NOX5: variants seen among roughly 807,000 people sequenced by gnomAD.
NOX5 encodes NADPH oxidase, EF-hand calcium binding domain 5.
In NOX5, 76 loss-of-function variants were observed where a neutral mutation model predicts 85.7. The ratio of observed to expected loss-of-function variants is 0.89; its 90% CI spans 0.74 to 1.07. The LOEUF (loss-of-function observed/expected upper bound fraction) is 1.07, where lower values mean the gene tolerates loss of function less well. NOX5 is among the 50% of genes least tolerant of loss of function. The pLI is 0.00. For synonymous variants in NOX5, 405 were observed against 401.4 expected, an observed-to-expected ratio of 1.01 and a Z score of -0.11; for missense variants, 973 against 999.5, an observed-to-expected ratio of 0.97 and a Z score of 0.36.
At chr15:69,028,193 C>T (rs1272765475) in intron 2 of NOX5, 22 bp from the exon 3 acceptor site, 2 of 1,578,404 alleles carry the variant, frequency 1.3e-6, no homozygotes, top group Admixed American at 1.8e-5. Flanking sequence ...GTTGTGCTGT[C>T]TTCCACCCTT....
chr15:69,031,862 C>G, intron 4 of NOX5, 50 bp downstream of exon 4: 1 of 1,533,534 alleles, frequency 6.5e-7, no homozygotes. Context: ...CGTTAGACTC[C>G]TGGTCGGAAG....
At position 69,055,451 on chromosome 15, in the gene NOX5, T is replaced by C. The variant is rs748513647; in HGVS notation, c.2117T>C (p.Ile706Thr). 2.5e-6 allele frequency: 4 copies of C among 1,614,022 alleles called. No homozygotes were observed. The highest frequency in any genetic ancestry group is 2.5e-6 in the Non-Finnish European group (3 of 1,180,036). The change falls in exon 15 of 16, where the codon ATC becomes ACC. Residue 706 changes from isoleucine (I) to threonine (T), a missense_variant. Physicochemically the swap from Ile to Thr is moderately conservative, Grantham distance 89 (BLOSUM62 -1). Coordinates refer to ENST00000388866, the MANE Select transcript of NOX5 (RefSeq NM_024505.4). ...GCCAACAAGGAGAAGAAAGACTCCA[T>C]CACGGGGCTGCAGACGCGCACCCAG... ...LLANKEKKDS[I>T]TGLQTRTQPG...
At chr15:69,043,910 G>T (rs2050628860) in intron 10 of NOX5, among the ~76,000 whole-genome samples, 1 of 152,320 alleles carries the variant, frequency 6.6e-6, no homozygotes, top group Admixed American at 6.5e-5. Context: ...TGGGGGCCGG[G>T]CACGGTGGCT....
rs778774998 is a variant in NOX5, at chr15:69,035,444, C to A, written c.946C>A (p.Leu316Ile). ...GGACCAGAACATCCAGTTCCACCAGCTTATGGGCTACGTGGTAGTGGGGCT... is the reference window on the plus strand; with the variant it reads ...GGACCAGAACATCCAGTTCCACCAGATTATGGGCTACGTGGTAGTGGGGCT... ...PLDQNIQFHQ[L>I]MGYVVVGLSL... The change falls in exon 6 of 16, where the codon CTT becomes ATT. Residue 316 changes from leucine to isoleucine, a missense_variant. By Grantham distance (5) the Leu-to-Ile change is conservative. Transcript: ENST00000388866. The A allele has an allele frequency of 3.7e-6, 6 of 1,614,190 alleles. No individual in the cohort carries two copies. The highest frequency in any genetic ancestry group is 5.1e-6 in the Non-Finnish European group (6 of 1,180,028).
In NOX5 at chr15:69,056,755, T is replaced by G; in HGVS notation, c.*59T>G. Reference sequence around the variant, plus strand: ...CCATGGGTCTGCTTCATTGCATTAGTATAAATGCCCCCACAGGGACCAGCC... The same window carrying G: ...CCATGGGTCTGCTTCATTGCATTAGGATAAATGCCCCCACAGGGACCAGCC... On this transcript the variant is annotated 3_prime_UTR_variant, in exon 16 of 16. Coordinates refer to ENST00000388866, the MANE Select transcript of NOX5 (RefSeq NM_024505.4). 2.5e-6 allele frequency: 4 copies of G among 1,589,780 alleles called. No homozygotes were observed. The highest frequency in any genetic ancestry group is 3.4e-6 in the Non-Finnish European group (4 of 1,169,014).
rs952325942 is a variant in NOX5, at chr15:69,028,382, G to A, written c.325+17G>A. On this transcript the variant is annotated intron_variant, in intron 3 of 15. Transcript: ENST00000388866. The stretch of plus-strand genomic sequence containing the variant: ...ACATCGATGGTAAGGGCTCTTCCTG[G>A]GTGTGGGCTGGGGTGGGGAGATCAG... 5 of 1,575,556 alleles carry A rather than the reference G, an allele frequency of 3.2e-6. No homozygotes were observed. The highest frequency in any genetic ancestry group is 3.5e-6 in the Non-Finnish European group (4 of 1,158,916).
intron 1 of NOX5, among the ~76,000 whole-genome samples, chr15:69,021,829 C>CT (rs1372981508): frequency 6.6e-6 from 1 of 152,052 alleles, no homozygotes; most frequent in Non-Finnish European, 1.5e-5. Context: ...TCATGCTTTT[C>CT]TTCTTAGTTT....
intron 9 of NOX5, among the ~76,000 whole-genome samples, chr15:69,041,811 G>A (rs1273103956): frequency 6.6e-6 from 1 of 152,178 alleles, no homozygotes. Context: ...GGCTTTGAAT[G>A]TGGCCCAACA....
rs2050214008 is a variant in NOX5 at position 69,014,969 on chromosome 15, G to C, written c.50+184G>C. Among the ~76,000 whole-genome samples the C allele has an allele frequency of 2.0e-5, 3 of 152,222 alleles. No homozygotes were observed. The South Asian group carries it at 6.2e-4, about 32-fold the overall frequency. ...TTGGATAAGTCACCAGCCCTCTCTG[G>C]GTCTGTTTTCTCATCTGTAAAATAA... On this transcript the variant is annotated intron_variant, in intron 1 of 15. Transcript: ENST00000388866.
In NOX5 at chr15:69,056,584, C is replaced by T; in HGVS notation, c.2186C>T (p.Ala729Val). Residue 729 changes from alanine to valine, a missense_variant, in exon 16 of 16, where the codon GCT (alanine) becomes GTT (valine). Coordinates refer to ENST00000388866, the MANE Select transcript of NOX5 (RefSeq NM_024505.4). ...DWSKVFQKVA[A>V]EKKGKVQVFF... Reference sequence around the variant, plus strand: ...CTCCAGGTGTTCCAGAAAGTGGCTGCTGAGAAGAAGGGCAAGGTGCAGGTC... The same window carrying T: ...CTCCAGGTGTTCCAGAAAGTGGCTGTTGAGAAGAAGGGCAAGGTGCAGGTC... 6.2e-7 allele frequency: 1 copy of T among 1,613,324 alleles called. No homozygotes were observed. Among genetic ancestry groups the T allele is most frequent in the Non-Finnish European group, 8.5e-7 (1 of 1,180,024 alleles).
At chr15:69,047,001 G>A in intron 11 of NOX5, 135 bp downstream of exon 11, 1 of 869,570 alleles carries the variant, frequency 1.1e-6, no homozygotes, top group Non-Finnish European at 1.8e-6. Flanking sequence ...TGACATCCAG[G>A]TATCCGGGTC....
chr15:69,022,718 GT>G (rs913888728), intron 1 of NOX5: 7 of 194,992 alleles, frequency 3.6e-5, no homozygotes, highest in Admixed American at 1.9e-4. Context: ...TCATTCAAGA[GT>G]TAGGTCTGGA....
chr15:69,044,205 G>T (rs1237849143), intron 10 of NOX5, among the ~76,000 whole-genome samples: 2 of 151,838 alleles, frequency 1.3e-5, no homozygotes, highest in Non-Finnish European at 2.9e-5. Flanking sequence ...AAGCTAATTG[G>T]ACAGGTGCAC....
At chr15:69,026,913 A>C (rs2050365414) in intron 2 of NOX5, among the ~76,000 whole-genome samples, 1 of 152,200 alleles carries the variant, frequency 6.6e-6, no homozygotes, top group Admixed American at 6.5e-5. Flanking sequence ...CACTAGGCTC[A>C]TGGGCAGAGC....
chr15:69,027,540 C>G (rs1342581775), intron 2 of NOX5, among the ~76,000 whole-genome samples: 2 of 152,084 alleles, frequency 1.3e-5, no homozygotes, highest in African/African-American at 2.4e-5. Flanking sequence ...AGGGTCCTCC[C>G]CCTGCCTTGA....
chr15:69,015,294 A>C (rs541573566), intron 1 of NOX5, among the ~76,000 whole-genome samples: 2 of 151,496 alleles, frequency 1.3e-5, no homozygotes, highest in African/African-American at 4.9e-5. Flanking sequence ...CACCTAGATC[A>C]CTCTGGCTGT....
At chr15:69,038,064 C>T (rs2050545047) in intron 8 of NOX5, 3 of 152,412 alleles carry the variant, frequency 2.0e-5, no homozygotes, top group Admixed American at 2.0e-4. Flanking sequence ...GACACTGAGG[C>T]AGTGGCCATG....
intron 14 of NOX5, among the ~76,000 whole-genome samples, chr15:69,052,535 CTTG>C (rs776552952): frequency 3.2e-4 from 48 of 152,290 alleles, no homozygotes; most frequent in Middle Eastern, 6.8e-3. Context: ...GTGTTTTAGA[CTTG>C]TTGAGTTCAT....
chr15:69,043,339 A>G (rs574903358), intron 10 of NOX5, among the ~76,000 whole-genome samples: 38 of 152,310 alleles, frequency 2.5e-4, no homozygotes, highest in African/African-American at 9.1e-4. Context: ...TGCTGGTGTC[A>G]TCAAGGCTTT....
Sources: allele counts gnomAD v4.1 joint callset (sites outside exome capture counted in the v4.1 genomes callset), GRCh38; gene constraint gnomAD v4.1.1; transcripts MANE v1.5; gene names NCBI Gene and HGNC (gene_info 2026-07-23, HGNC 2026-07-21).